HCN1: variants seen among roughly 807,000 people sequenced by gnomAD.
HCN1 encodes the protein potassium/sodium hyperpolarization-activated cyclic nucleotide-gated channel 1.
HCN1 carries 13 observed loss-of-function variants against 78.9 expected under a neutral mutation model. The observed-to-expected ratio is 0.16, with a 90% confidence interval of 0.11 to 0.26. The LOEUF (loss-of-function observed/expected upper bound fraction) is 0.26, where lower values mean the gene tolerates loss of function less well. HCN1 is among the 10% of genes least tolerant of loss of function. The probability of loss-of-function intolerance (pLI) is 1.00; values close to 1 mark genes in which losing one functional copy is unlikely to be tolerated. For missense variants in HCN1, 810 were observed against 1,154.3 expected (o/e 0.70, Z 4.32); for synonymous variants, 552 against 455.5 (o/e 1.21, Z -2.70).
At chr5:45,295,835 A>G (rs948603756) in intron 6 of HCN1, among the ~76,000 whole-genome samples, 4 of 152,048 alleles carry the variant, frequency 2.6e-5, no homozygotes, top group Admixed American at 6.6e-5. Flanking sequence ...CTAGTATAGT[A>G]TAAAATTTGG....
At chr5:45,415,458 C>T (rs183708899) in intron 3 of HCN1, among the ~76,000 whole-genome samples, 63 of 152,048 alleles carry the variant, frequency 4.1e-4, no homozygotes, top group African/African-American at 1.3e-3. Flanking sequence ...CTTTCCTAAG[C>T]CTTATAACAA....
intron 2 of HCN1, among the ~76,000 whole-genome samples, chr5:45,504,345 T>G (rs543009284): frequency 6.6e-5 from 10 of 152,092 alleles, no homozygotes; most frequent in Admixed American, 2.0e-4. Context: ...GTGAGAACAT[T>G]CGGTGTTTGG....
intron 2 of HCN1, among the ~76,000 whole-genome samples, chr5:45,547,895 A>G (rs1743261283): frequency 1.3e-5 from 2 of 152,098 alleles, no homozygotes; most frequent in African/African-American, 4.8e-5. Flanking sequence ...ATGTTAATCC[A>G]ATATTTACTA....
intron 3 of HCN1, among the ~76,000 whole-genome samples, chr5:45,426,177 T>G (rs1265354969): frequency 6.6e-6 from 1 of 152,228 alleles, no homozygotes; most frequent in Non-Finnish European, 1.5e-5. Flanking sequence ...ATGCATGTGA[T>G]TCTTACGTTG....
intron 2 of HCN1, among the ~76,000 whole-genome samples, chr5:45,552,704 C>CAAAA (rs1743392965): frequency 6.6e-6 from 1 of 151,854 alleles, no homozygotes. Flanking sequence ...CTCATCCACT[C>CAAAA]AAAAATAGCA....
At chr5:45,549,693 C>T (rs1173973276) in intron 2 of HCN1, among the ~76,000 whole-genome samples, 2 of 152,062 alleles carry the variant, frequency 1.3e-5, no homozygotes, top group African/African-American at 4.8e-5. Flanking sequence ...AAGAAACTAC[C>T]ATCAGAGTGA....
intron 2 of HCN1, among the ~76,000 whole-genome samples, chr5:45,544,705 G>A (rs1358956145): frequency 4.0e-5 from 6 of 150,976 alleles, no homozygotes; most frequent in Non-Finnish European, 1.5e-5. Flanking sequence ...GTGGTGTTTG[G>A]TTTTCTGTCC....
At chr5:45,296,536 G>A (rs539540623) in intron 6 of HCN1, among the ~76,000 whole-genome samples, 2 of 151,926 alleles carry the variant, frequency 1.3e-5, no homozygotes, top group East Asian at 3.9e-4. Flanking sequence ...TGAAAAATCA[G>A]TATTCTAAGC....
chr5:45,599,319 A>C (rs1006704987), intron 2 of HCN1, among the ~76,000 whole-genome samples: 1 of 152,056 alleles, frequency 6.6e-6, no homozygotes, highest in Non-Finnish European at 1.5e-5. Context: ...ATGGAAAGCC[A>C]AACACCACAT....
In HCN1 at chr5:45,694,183, T is replaced by A. The variant is rs576634297; in HGVS notation, c.425+1486A>T. ...TTTAATATGAACATTTTCTTTTTTT[T>A]AAAATTTTTAATGAACGTTCTTTCA... On this transcript the variant is annotated intron_variant, in intron 1 of 7. Transcript: ENST00000303230. 9.6e-4 allele frequency among the ~76,000 whole-genome samples: 146 copies of A among 152,346 alleles called. 2 individuals carry two copies. The South Asian group carries it at 9.9e-3, about 10-fold the overall frequency.
chr5:45,520,253 G>A (rs368455816), intron 2 of HCN1, among the ~76,000 whole-genome samples: 11 of 151,864 alleles, frequency 7.2e-5, no homozygotes, highest in African/African-American at 2.7e-4. Flanking sequence ...AAAAGTCTTA[G>A]GAAACTCATT....
At chr5:45,524,891 T>C (rs1233584764) in intron 2 of HCN1, among the ~76,000 whole-genome samples, 7 of 152,150 alleles carry the variant, frequency 4.6e-5, no homozygotes, top group Non-Finnish European at 8.8e-5. Context: ...CTTCCAACAC[T>C]ATGTTGAATA....
chr5:45,399,436 T>C (rs1410843960), intron 3 of HCN1, among the ~76,000 whole-genome samples: 1 of 152,216 alleles, frequency 6.6e-6, no homozygotes, highest in Non-Finnish European at 1.5e-5. Context: ...AGTTTCAAGA[T>C]GGCAGGAGCA....
chr5:45,371,641 C>T (rs1206937781), intron 4 of HCN1, among the ~76,000 whole-genome samples: 1 of 150,304 alleles, frequency 6.7e-6, no homozygotes, highest in East Asian at 2.0e-4. Flanking sequence ...CCTGTAATCC[C>T]AGCTACTCGT....
chr5:45,287,548 G>A (rs1468620700), intron 6 of HCN1, among the ~76,000 whole-genome samples: 1 of 152,018 alleles, frequency 6.6e-6, no homozygotes, highest in Non-Finnish European at 1.5e-5. Flanking sequence ...TGTTTGAAGA[G>A]TTTGGATTTT....
intron 3 of HCN1, among the ~76,000 whole-genome samples, chr5:45,398,302 T>A (rs1328391495): frequency 6.6e-6 from 1 of 152,096 alleles, no homozygotes; most frequent in East Asian, 1.9e-4. Flanking sequence ...AGAGAGAGAT[T>A]CTATGTACTC....
chr5:45,475,817 T>C (rs539849623), intron 2 of HCN1, among the ~76,000 whole-genome samples: 1 of 152,222 alleles, frequency 6.6e-6, no homozygotes, highest in Admixed American at 6.6e-5. Flanking sequence ...CACTTTTAGT[T>C]TGAGTCTAAC....
intron 5 of HCN1, among the ~76,000 whole-genome samples, chr5:45,329,391 G>C (rs151274117): frequency 6.6e-6 from 1 of 151,588 alleles, no homozygotes; most frequent in East Asian, 1.9e-4. Context: ...AAGTCTTAGA[G>C]ATAAACAATG....
chr5:45,542,874 A>T (rs1743134559), intron 2 of HCN1, among the ~76,000 whole-genome samples: 1 of 152,216 alleles, frequency 6.6e-6, no homozygotes, highest in African/African-American at 2.4e-5. Context: ...GACTTGTTCC[A>T]TATGGGACAG....
Sources: gnomAD v4.1 joint callset for allele counts (sites outside exome capture counted in the v4.1 genomes callset) on GRCh38, gnomAD v4.1.1 for gene constraint, MANE v1.5 for transcripts, NCBI Gene and HGNC (gene_info 2026-07-23, HGNC 2026-07-21) for gene names.